PTPRU: variants seen among roughly 807,000 people sequenced by gnomAD.
PTPRU encodes protein tyrosine phosphatase receptor type U.
A neutral mutation model predicts 166.3 loss-of-function variants in PTPRU; 69 were observed. The observed-to-expected ratio is 0.41, with a 90% CI of 0.34 to 0.51. The LOEUF (loss-of-function observed/expected upper bound fraction) is 0.51, where lower values mean the gene tolerates loss of function less well. PTPRU is among the 20% of genes least tolerant of loss of function. PTPRU has a pLI of 0.09. For missense variants in PTPRU, 1,657 were observed against 2,013.7 expected (o/e 0.82, Z 3.39); for synonymous variants, 793 against 814.0 (o/e 0.97, Z 0.44).
At chr1:29,325,070 T>C (rs1466308041) in intron 28 of PTPRU, 121 bp from the exon 29 acceptor site, 39 of 1,362,128 alleles carry the variant, frequency 2.9e-5, no homozygotes, top group Middle Eastern at 2.3e-4. Context: ...CCCACCCTTC[T>C]AGATTCCCTA....
intron 1 of PTPRU, among the ~76,000 whole-genome samples, chr1:29,241,969 G>A (rs1324932758): frequency 6.6e-6 from 1 of 151,130 alleles, no homozygotes; most frequent in Non-Finnish European, 1.5e-5. Context: ...TCGGCTCACT[G>A]CAACCTTTGC....
intron 2 of PTPRU, among the ~76,000 whole-genome samples, chr1:29,256,667 G>A: frequency 6.6e-6 from 1 of 152,188 alleles, no homozygotes; most frequent in East Asian, 1.9e-4. Flanking sequence ...GTGTTAGTGG[G>A]TATCACAGTT....
rs753860935 is a variant in PTPRU, at chr1:29,275,519, C to G, written c.1216C>G (p.Pro406Ala). 6.2e-7 allele frequency: 1 copy of G among 1,614,070 alleles called. No individual in the cohort carries two copies. Among genetic ancestry groups the G allele is most frequent in the African/African-American group, 1.3e-5 (1 of 74,926 alleles). ...CCGTCAGCTGACCCTGCAGTGGGAA[C>G]CACTGGGCTACAACGTGACGCGTTG... ...QARQLTLQWEPLGYNVTRCHT... is the reference protein window; with the variant it reads ...QARQLTLQWEALGYNVTRCHT... The change falls in exon 8 of 30, where the codon CCA becomes GCA. Residue 406 changes from proline (P) to alanine (A), a missense_variant. Pro to Ala is a conservative substitution (Grantham distance 27). This residue lies in a region of PTPRU where 1,190 missense variants were observed against 1,477.4 expected (regional missense o/e 0.81). Transcript: ENST00000373779.
chr1:29,254,348 A>G (rs1239775190), intron 1 of PTPRU, among the ~76,000 whole-genome samples: 1 of 152,182 alleles, frequency 6.6e-6, no homozygotes, highest in Non-Finnish European at 1.5e-5. Flanking sequence ...ACTAAGATAT[A>G]TGGACCTCAT....
At chr1:29,293,365 T>G (rs1686732031) in intron 15 of PTPRU, among the ~76,000 whole-genome samples, 1 of 152,144 alleles carries the variant, frequency 6.6e-6, no homozygotes, top group South Asian at 2.1e-4. Flanking sequence ...CCTCAATTGA[T>G]CTGTCCGCCT....
Position 29,317,980 on chromosome 1 carries a change from G to A in PTPRU, c.3687+59G>A. On this transcript the variant is annotated intron_variant, in intron 25 of 29. Transcript: ENST00000373779. This position sits in a 1 kb window ranked among gnomAD's most constrained non-coding sequence, Gnocchi z 5.6. ...CCCCTTCCCAGCAGCATCAGGGAAG[G>A]TCCAGGGGCCACGGGAACAAAGCTG... The A allele has an allele frequency of 6.3e-7, 1 of 1,584,288 alleles. No individual in the cohort carries two copies. The highest frequency in any genetic ancestry group is 8.6e-7 in the Non-Finnish European group (1 of 1,161,688).
intron 15 of PTPRU, among the ~76,000 whole-genome samples, chr1:29,299,863 A>T (rs1476680309): frequency 9.9e-5 from 15 of 152,042 alleles, no homozygotes; most frequent in Admixed American, 9.8e-4. Flanking sequence ...TGCGTTACGG[A>T]CACTCCTTGG....
rs141511079 is a variant in PTPRU, at chr1:29,273,409, C to T, written c.1145-2039C>T. Among the ~76,000 whole-genome samples the T allele has an allele frequency of 1.3e-3, 204 of 152,300 alleles. 3 individuals are homozygous for T. The East Asian group carries it at 0.037, about 28-fold the overall frequency. On this transcript the variant is annotated intron_variant, in intron 7 of 29. Coordinates refer to ENST00000373779, the MANE Select transcript of PTPRU (RefSeq NM_133178.4). Reference sequence around the variant, plus strand: ...TCAGCTCCCTGAGTAGCTGGGACCACAGGCATGTGCCACCATGCCCGGCTT... The same window carrying T: ...TCAGCTCCCTGAGTAGCTGGGACCATAGGCATGTGCCACCATGCCCGGCTT...
Position 29,315,717 on chromosome 1 carries a change from G to A in PTPRU, c.3363+210G>A, listed in dbSNP as rs1687873732. ...TGGGTGGGGTCAGACAACCGGTCCT[G>A]TAGCTGACATACCTGGGATTGCATC... On this transcript the variant is annotated intron_variant, in intron 23 of 29. Coordinates refer to ENST00000373779, the MANE Select transcript of PTPRU (RefSeq NM_133178.4). This position sits in a 1 kb window ranked among gnomAD's most constrained non-coding sequence, Gnocchi z 4.5. Among the ~76,000 whole-genome samples the A allele has an allele frequency of 6.6e-6, 1 of 152,200 alleles. No individual in the cohort carries two copies.
chr1:29,292,130 AGTGAAGCATCT>A lies in PTPRU; in HGVS notation c.2476+108_2476+118del, dbSNP rs375852352. ...GAGTTCTGTAACACCTGCAACCAAAAGTGAAGCATCTGTGGTGCTCCTGCTGGATACCTTCT... is the reference window on the plus strand; with the variant it reads ...GAGTTCTGTAACACCTGCAACCAAAAGTGGTGCTCCTGCTGGATACCTTCT... On this transcript the variant is annotated intron_variant, in intron 15 of 29. Coordinates refer to ENST00000373779, the MANE Select transcript of PTPRU (RefSeq NM_133178.4). 11 of 1,397,132 alleles carry A rather than the reference AGTGAAGCATCT, an allele frequency of 7.9e-6. No homozygotes were observed. The African/African-American group carries it at 1.4e-4, about 18-fold the overall frequency. The allele number at this position is 1,397,132 out of a possible 1,614,324, so 86.5% of individuals were successfully genotyped here.
At chr1:29,292,124 A>T in intron 15 of PTPRU, 98 bp downstream of exon 15, 1 of 1,422,650 alleles carries the variant, frequency 7.0e-7, no homozygotes, top group Non-Finnish European at 9.5e-7. Context: ...AACACCTGCA[A>T]CCAAAAGTGA....
At chr1:29,288,186 C>A (rs75591796) in intron 14 of PTPRU, among the ~76,000 whole-genome samples, 4,548 of 152,220 alleles carry the variant, frequency 0.03, 242 homozygotes, top group African/African-American at 0.1. Flanking sequence ...TATTTTTCCT[C>A]ATTTATTGAT....
At chr1:29,284,993 C>T in intron 14 of PTPRU, 124 bp downstream of exon 14, 1 of 1,294,080 alleles carries the variant, frequency 7.7e-7, no homozygotes, top group Non-Finnish European at 1.0e-6. Context: ...GGGCTGCCAG[C>T]CTGGGCATCG....
At chr1:29,302,777 C>T (rs1687194947) in intron 15 of PTPRU, among the ~76,000 whole-genome samples, 1 of 152,132 alleles carries the variant, frequency 6.6e-6, no homozygotes, top group Non-Finnish European at 1.5e-5. Context: ...TCTTGAACTC[C>T]TGACCTCATG....
At chr1:29,305,529 A>C (rs1418018683) in intron 18 of PTPRU, 101 bp downstream of exon 18, 2 of 1,229,860 alleles carry the variant, frequency 1.6e-6, no homozygotes, top group Admixed American at 3.4e-5. Flanking sequence ...GGGGGTTCAA[A>C]TGGCTGAGTT....
chr1:29,252,541 T>C (rs943408926), intron 1 of PTPRU, among the ~76,000 whole-genome samples: 1 of 152,122 alleles, frequency 6.6e-6, no homozygotes, highest in East Asian at 1.9e-4. Context: ...GTGTTGGGAT[T>C]ACAGGTGTGA....
At chr1:29,259,599 G>GGCC in intron 5 of PTPRU, 35 bp downstream of exon 5, 2 of 1,467,286 alleles carry the variant, frequency 1.4e-6, no homozygotes, top group Middle Eastern at 2.5e-4. Context: ...TGGGGGCGGG[G>GGCC]TGGGAGGGGG....
chr1:29,236,767 C>T lies in PTPRU; in HGVS notation c.73+50C>T, dbSNP rs1194421981. On this transcript the variant is annotated intron_variant, in intron 1 of 29. Coordinates refer to ENST00000373779, the MANE Select transcript of PTPRU (RefSeq NM_133178.4). This position sits in a 1 kb window ranked among gnomAD's most constrained non-coding sequence, Gnocchi z 4.6. The stretch of plus-strand genomic sequence containing the variant: ...GCCTGCCCCGCCGAGCCTCGGGGCC[C>T]GTGGCGTAGCTCGGAAGAAAGTGTG... 2 of 1,366,724 alleles carry T rather than the reference C, an allele frequency of 1.5e-6. No individual in the cohort carries two copies. Among genetic ancestry groups the T allele is most frequent in the Admixed American group, 3.5e-5 (1 of 28,886 alleles). 84.7% of individuals were successfully genotyped at this position (1,366,724 alleles called of 1,614,324 possible). A position where few individuals can be genotyped will look rare whatever the true frequency, so the allele number is the denominator to read the frequency against.
chr1:29,284,019 T>G, intron 13 of PTPRU, 43 bp downstream of exon 13: 1 of 1,609,948 alleles, frequency 6.2e-7, no homozygotes, highest in Non-Finnish European at 8.5e-7. Flanking sequence ...GGCAGGTTTC[T>G]CACCTGCCCA....
Sources: gnomAD v4.1 joint callset for allele counts (sites outside exome capture counted in the v4.1 genomes callset) on GRCh38, gnomAD v4.1.1 for gene constraint, gnomAD v4.1.1 regional missense constraint, Gnocchi (gnomAD v3.1) non-coding constraint, MANE v1.5 for transcripts, NCBI Gene and HGNC (gene_info 2026-07-23, HGNC 2026-07-21) for gene names.